Variants in NALF1 observed in about 807,000 individuals in gnomAD.
NALF1 encodes NALCN channel auxiliary factor 1, also known as family with sequence similarity 155 member A.
A neutral mutation model predicts 48.4 loss-of-function variants in NALF1; 3 were observed. The ratio of observed to expected loss-of-function variants is 0.06; its 90% CI spans 0.03 to 0.16. The LOEUF (loss-of-function observed/expected upper bound fraction) is 0.16. Ranked by LOEUF, NALF1 falls within the 10% of genes least tolerant of loss-of-function variation. NALF1 has a pLI of 1.00. For missense variants in NALF1, 526 were observed against 571.5 expected (o/e 0.92, Z 0.81); for synonymous variants, 262 against 245.7 (o/e 1.07, Z -0.62).
chr13:107,585,251 T>A (rs2138413447), intron 1 of NALF1, among the ~76,000 whole-genome samples: 1 of 152,140 alleles, frequency 6.6e-6, no homozygotes, highest in Admixed American at 6.6e-5. Flanking sequence ...CAGATAAATT[T>A]GAGAAATTAC....
intron 1 of NALF1, among the ~76,000 whole-genome samples, chr13:107,401,149 T>G (rs1883800351): frequency 6.6e-6 from 1 of 152,170 alleles, no homozygotes; most frequent in Non-Finnish European, 1.5e-5. Context: ...CTGAGTGGCA[T>G]GATGAAATCC....
At chr13:107,706,219 G>A (rs1012146291) in intron 1 of NALF1, among the ~76,000 whole-genome samples, 2 of 152,170 alleles carry the variant, frequency 1.3e-5, no homozygotes, top group African/African-American at 4.8e-5. Flanking sequence ...TGTCAAAAAT[G>A]CTTTTCCGCA....
intron 1 of NALF1, among the ~76,000 whole-genome samples, chr13:107,424,201 G>A (rs1297513256): frequency 6.6e-6 from 1 of 152,092 alleles, no homozygotes; most frequent in Non-Finnish European, 1.5e-5. Flanking sequence ...GCAGAGGTGC[G>A]ATTTCAGTTC....
intron 1 of NALF1, among the ~76,000 whole-genome samples, chr13:107,333,971 G>C (rs1236919706): frequency 6.6e-6 from 1 of 151,978 alleles, no homozygotes; most frequent in Non-Finnish European, 1.5e-5. Context: ...TTTCCTTCCA[G>C]TTTCCCTTAA....
intron 1 of NALF1, among the ~76,000 whole-genome samples, chr13:107,614,357 C>T (rs1468886653): frequency 6.6e-6 from 1 of 152,220 alleles, no homozygotes. Flanking sequence ...GTGTTGTCTG[C>T]ATCTGTCTCC....
In NALF1 at chr13:107,165,873, G is replaced by T. The variant is rs1357387646; in HGVS notation, c.*4624C>A. On this transcript the variant is annotated 3_prime_UTR_variant, in exon 3 of 3. Transcript: ENST00000375915. ...GATATTTTGAGAGTCTGTTTCCCTT[G>T]TCAAAGTAGATATGGTTTTTAAATG... The T allele has an allele frequency of 6.6e-6, 1 of 152,054 alleles. No homozygotes were observed. The highest frequency in any genetic ancestry group is 2.4e-5 in the African/African-American group (1 of 41,376). The allele number at this position is 152,054 out of a possible 1,614,324, so 9.4% of individuals were successfully genotyped here.
intron 1 of NALF1, among the ~76,000 whole-genome samples, chr13:107,241,229 A>G (rs1880464850): frequency 6.6e-6 from 1 of 151,996 alleles, no homozygotes; most frequent in African/African-American, 2.4e-5. Context: ...GTATATATAT[A>G]TGCACACACT....
At chr13:107,488,665 T>A (rs1885368157) in intron 1 of NALF1, among the ~76,000 whole-genome samples, 2 of 152,064 alleles carry the variant, frequency 1.3e-5, no homozygotes, top group Admixed American at 1.3e-4. Context: ...ACAGACAATA[T>A]TGTACTAAAT....
rs959870844 is a variant in NALF1 at position 107,415,379 on chromosome 13, GT to G, written c.916-204625del. 2.3e-3 allele frequency among the ~76,000 whole-genome samples: 321 copies of G among 137,232 alleles called. 1 individual carries two copies. The highest frequency in any genetic ancestry group is 7.3e-3 in the African/African-American group (275 of 37,780). 90.0% of individuals were successfully genotyped at this position (137,232 alleles called of 152,430 possible). ...ACAAACCGAGGGCCATAAGGAGAGAGTTTTTTTTTTTTCTTTTTCTGTGTGA... is the reference window on the plus strand; with the variant it reads ...ACAAACCGAGGGCCATAAGGAGAGAGTTTTTTTTTTTCTTTTTCTGTGTGA... On this transcript the variant is annotated intron_variant, in intron 1 of 2. Coordinates refer to ENST00000375915, the MANE Select transcript of NALF1 (RefSeq NM_001080396.3).
At chr13:107,836,680 C>A (rs1326457428) in intron 1 of NALF1, among the ~76,000 whole-genome samples, 2 of 152,122 alleles carry the variant, frequency 1.3e-5, no homozygotes, top group African/African-American at 2.4e-5. Flanking sequence ...CAGTATTTTT[C>A]TAGCTATGAA....
chr13:107,848,344 G>C (rs1343410907), intron 1 of NALF1, among the ~76,000 whole-genome samples: 1 of 152,180 alleles, frequency 6.6e-6, no homozygotes, highest in African/African-American at 2.4e-5. Flanking sequence ...AAGAACGACA[G>C]AAACTCTAAG....
intron 1 of NALF1, among the ~76,000 whole-genome samples, chr13:107,443,785 T>G (rs1253754450): frequency 6.6e-6 from 1 of 152,290 alleles, no homozygotes; most frequent in South Asian, 2.1e-4. Flanking sequence ...TTGGTGTTAT[T>G]AAATTTATGA....
chr13:107,854,394 C>T (rs1290653339), intron 1 of NALF1, among the ~76,000 whole-genome samples: 1 of 152,236 alleles, frequency 6.6e-6, no homozygotes, highest in African/African-American at 2.4e-5. Context: ...ACCTGCCTGA[C>T]AACTTGTTGG....
intron 1 of NALF1, among the ~76,000 whole-genome samples, chr13:107,555,666 G>C (rs1296957324): frequency 6.6e-6 from 1 of 151,416 alleles, no homozygotes; most frequent in Non-Finnish European, 1.5e-5. Context: ...ATTCACTTTG[G>C]GTAACAATCA....
intron 1 of NALF1, among the ~76,000 whole-genome samples, chr13:107,837,803 C>T (rs138652752): frequency 7.6e-4 from 115 of 152,136 alleles, no homozygotes; most frequent in African/African-American, 2.8e-3. Flanking sequence ...TGATACTTTA[C>T]CAGTTCTTTC....
chr13:107,723,393 T>A (rs7329937), intron 1 of NALF1, among the ~76,000 whole-genome samples: 113,659 of 152,024 alleles, frequency 0.75, 44,206 homozygotes, highest in Middle Eastern at 0.87. Context: ...ATCATTTTTT[T>A]ATGTAACTTC....
intron 1 of NALF1, among the ~76,000 whole-genome samples, chr13:107,633,416 G>T (rs1294251139): frequency 6.6e-6 from 1 of 151,828 alleles, no homozygotes; most frequent in Non-Finnish European, 1.5e-5. Flanking sequence ...CATTTCTGAG[G>T]TCATTTCAAG....
At chr13:107,328,393 T>C (rs981737558) in intron 1 of NALF1, among the ~76,000 whole-genome samples, 8 of 152,172 alleles carry the variant, frequency 5.3e-5, no homozygotes, top group Admixed American at 1.3e-4. Flanking sequence ...TAGTGTATTG[T>C]AGGTGCTTAA....
At chr13:107,197,176 G>A (rs760928656) in intron 2 of NALF1, among the ~76,000 whole-genome samples, 1 of 152,068 alleles carries the variant, frequency 6.6e-6, no homozygotes, top group African/African-American at 2.4e-5. Flanking sequence ...CTCACTAGAG[G>A]TGTCGCTAAA....
Sources: allele counts gnomAD v4.1 joint callset (sites outside exome capture counted in the v4.1 genomes callset), GRCh38; gene constraint gnomAD v4.1.1; transcripts MANE v1.5; gene names NCBI Gene and HGNC (gene_info 2026-07-23, HGNC 2026-07-21).